Variants in CELSR2 observed in about 807,000 individuals in gnomAD.
The protein encoded by CELSR2 is EGF-like protein 2.
Under a neutral mutation model 251.6 loss-of-function variants are expected in CELSR2, and 81 were observed. The ratio of observed to expected loss-of-function variants is 0.32; its 90% CI spans 0.27 to 0.39. The LOEUF (loss-of-function observed/expected upper bound fraction) is 0.39. Ranked by LOEUF, CELSR2 falls within the 10% of genes least tolerant of loss-of-function variation. The pLI, the probability that CELSR2 is intolerant of heterozygous loss-of-function variation, is 1.00. For synonymous variants in CELSR2, 1,721 were observed against 1,670.5 expected (o/e 1.03, Z -0.74); for missense variants, 3,365 against 3,947.7 (o/e 0.85, Z 3.96).
Position 109,250,353 on chromosome 1 carries a change from G to T in CELSR2, c.274G>T (p.Val92Phe), listed in dbSNP as rs1482643640. The T allele has an allele frequency of 1.9e-6, 3 of 1,613,428 alleles. No homozygotes were observed. The East Asian group carries it at 6.7e-5, about 36-fold the overall frequency. Residue 92 changes from valine (V) to phenylalanine (F), a missense_variant, in exon 1 of 34, where the codon GTT (valine) becomes TTT (phenylalanine). Transcript: ENST00000271332. The surrounding 1 kb of genome is among the most constrained non-coding windows in gnomAD (Gnocchi z 4.4). ...GGTACCCCACCACGATGGCCTGAGGGTTTGGTGTCCAGAATCCGAGGCCCA... is the reference window on the plus strand; with the variant it reads ...GGTACCCCACCACGATGGCCTGAGGTTTTGGTGTCCAGAATCCGAGGCCCA... ...HLVPHHDGLR[V>F]WCPESEAHIP...
Position 109,261,434 on chromosome 1 carries a change from C to T in CELSR2, c.4182-79C>T. 1 of 1,439,220 alleles carries T rather than the reference C, an allele frequency of 6.9e-7. No individual in the cohort carries two copies. The allele number at this position is 1,439,220 out of a possible 1,614,324, so 89.2% of individuals were successfully genotyped here. On this transcript the variant is annotated intron_variant, in intron 3 of 33. Transcript: ENST00000271332. The surrounding 1 kb of genome is among the most constrained non-coding windows in gnomAD (Gnocchi z 4.8). ...GGTTCTGCCAGCAGATCTCCCTCCC[C>T]TGCGCTGGTTAGGTGGCGGGGGTGC...
rs768799561 is a variant in CELSR2, at chr1:109,269,323, T to C, written c.6812+33T>C. ...GCTAGGGGACAGGTGTGGGTAGGGG[T>C]ATGGGTCGGGCGGTGAGTGCTGAGG... On this transcript the variant is annotated intron_variant, in intron 20 of 33. Transcript: ENST00000271332. The surrounding 1 kb of genome is among the most constrained non-coding windows in gnomAD (Gnocchi z 6.4). 1 of 1,611,956 alleles carries C rather than the reference T, an allele frequency of 6.2e-7. No individual in the cohort carries two copies. Among genetic ancestry groups the C allele is most frequent in the South Asian group, 1.1e-5 (1 of 90,998 alleles).
In CELSR2 at chr1:109,250,131, C is replaced by T. The variant is rs760995557; in HGVS notation, c.52C>T (p.Leu18=). 1.3e-6 allele frequency: 2 copies of T among 1,593,888 alleles called. No individual in the cohort carries two copies. Among genetic ancestry groups the T allele is most frequent in the Non-Finnish European group, 8.5e-7 (1 of 1,173,092 alleles). The change falls in exon 1 of 34, where the codon CTG becomes TTG. Residue 18 remains leucine (L), a synonymous_variant. Coordinates refer to ENST00000271332, the MANE Select transcript of CELSR2 (RefSeq NM_001408.3). This position sits in a 1 kb window ranked among gnomAD's most constrained non-coding sequence, Gnocchi z 4.4. The stretch of plus-strand genomic sequence containing the variant: ...CCTCCCAACGCCGCCGCCGCCGCTG[C>T]TGCTGCTGTTGCTGCTGCTGCTGCC... ...VPLPTPPPPL[L]LLLLLLLPPP...
In CELSR2 at chr1:109,264,550, C is replaced by G. The variant is rs754038395; in HGVS notation, c.5386C>G (p.Pro1796Ala). ...NVEQGCSLPD[P>A]CDSNPCPANS... ...GGAGCAAGGCTGTAGCCTGCCTGAC[C>G]CTTGTGACTCAAACCCGTGTCCTGC... The change falls in exon 11 of 34, where the codon CCT (proline) becomes GCT (alanine). Residue 1796 changes from proline to alanine, a missense_variant. By Grantham distance (27) the Pro-to-Ala change is conservative. Around this residue, in one of 5 missense-constraint regions of CELSR2, gnomAD observed 2,093 missense variants for 2,382.8 expected, o/e 0.88. Transcript: ENST00000271332. 1.9e-6 allele frequency: 3 copies of G among 1,614,078 alleles called. No homozygotes were observed. The highest frequency in any genetic ancestry group is 2.5e-6 in the Non-Finnish European group (3 of 1,180,034).
At position 109,269,226 on chromosome 1, in the gene CELSR2, A is replaced by G. The variant is rs557334408; in HGVS notation, c.6748A>G (p.Ile2250Val). 4.3e-6 allele frequency: 7 copies of G among 1,612,934 alleles called. No individual in the cohort carries two copies. The highest frequency in any genetic ancestry group is 2.2e-5 in the South Asian group (2 of 91,072). ...CCAGGGTGAGGCTGTGGCCAGCGTC[A>G]TCATCTACCGCACCCTGGCCGGGCT... ...LSQGEAVASV[I>V]IYRTLAGLLP... is the part of the protein sequence containing the mutation. Residue 2250 changes from isoleucine (I) to valine (V), a missense_variant, in exon 20 of 34, where the codon ATC becomes GTC. Transcript: ENST00000271332. The surrounding 1 kb of genome is among the most constrained non-coding windows in gnomAD (Gnocchi z 6.4).
At chr1:109,255,943 C>T (rs919468615) in intron 1 of CELSR2, among the ~76,000 whole-genome samples, 5 of 152,130 alleles carry the variant, frequency 3.3e-5, no homozygotes, top group Non-Finnish European at 1.5e-5. Context: ...AAGACGATGG[C>T]GGTGGGGGAC....
rs569799860 is a variant in CELSR2, at chr1:109,267,891, G to T, written c.6149G>T (p.Gly2050Val). ...LQRNESGLDSGRSQQLALLLR... is the reference protein window; with the variant it reads ...LQRNESGLDSVRSQQLALLLR... ...CGGAATGAGTCAGGCCTAGACTCAG[G>T]GCGCTCCCAGCAGCTAGCCCTGCTC... Residue 2050 changes from glycine to valine, a missense_variant, in exon 17 of 34, where the codon GGG (glycine) becomes GTG (valine). Coordinates refer to ENST00000271332, the MANE Select transcript of CELSR2 (RefSeq NM_001408.3). 2.0e-5 allele frequency: 33 copies of T among 1,609,808 alleles called. No homozygotes were observed. The East Asian group carries it at 4.5e-4, about 22-fold the overall frequency.
chr1:109,251,399 T>G lies in CELSR2; in HGVS notation c.1320T>G (p.Ser440Arg). 1 of 1,613,874 alleles carries G rather than the reference T, an allele frequency of 6.2e-7. No homozygotes were observed. The highest frequency in any genetic ancestry group is 8.5e-7 in the Non-Finnish European group (1 of 1,180,006). Residue 440 changes from serine to arginine, a missense_variant, in exon 1 of 34, where the codon AGT becomes AGG. Ser to Arg is a moderately radical substitution (Grantham distance 110). This residue lies in a region of CELSR2 where 704 missense variants were observed against 784.1 expected (regional missense o/e 0.90). Transcript: ENST00000271332. This position sits in a 1 kb window ranked among gnomAD's most constrained non-coding sequence, Gnocchi z 4.9. Reference protein sequence around the residue: ...SNAVVHYSIMSGNARGQFYLD... With the variant: ...SNAVVHYSIMRGNARGQFYLD... Reference sequence around the variant, plus strand: ...CCGTGGTGCACTATAGCATCATGAGTGGCAATGCTCGGGGACAGTTTTATC... The same window carrying G: ...CCGTGGTGCACTATAGCATCATGAGGGGCAATGCTCGGGGACAGTTTTATC...
chr1:109,272,672 C>T lies in CELSR2; in HGVS notation c.8087C>T (p.Pro2696Leu). Reference protein sequence around the residue: ...EESALNPGQGPPGLGDPGSLF... With the variant: ...EESALNPGQGLPGLGDPGSLF... ...TCCGCACTGAACCCTGGCCAAGGGC[C>T]CCCTGGCCTGGGGGATCCAGGCAGC... The change falls in exon 30 of 34, where the codon CCC (proline) becomes CTC (leucine). Residue 2696 changes from proline to leucine, a missense_variant. By Grantham distance (98) the Pro-to-Leu change is moderately conservative (BLOSUM62 -3). Around this residue, in one of 5 missense-constraint regions of CELSR2, gnomAD observed 2,093 missense variants for 2,382.8 expected, o/e 0.88. Coordinates refer to ENST00000271332, the MANE Select transcript of CELSR2 (RefSeq NM_001408.3). 6.2e-7 allele frequency: 1 copy of T among 1,613,790 alleles called. No individual in the cohort carries two copies. The highest frequency in any genetic ancestry group is 1.7e-5 in the Admixed American group (1 of 60,024).
In CELSR2 at chr1:109,270,575, C is replaced by T. The variant is rs777694569; in HGVS notation, c.7458C>T (p.Gly2486=). The change falls in exon 24 of 34, where the codon GGC becomes GGT. Residue 2486 remains glycine (G), a synonymous_variant. Coordinates refer to ENST00000271332, the MANE Select transcript of CELSR2 (RefSeq NM_001408.3). ...CCATGCGCTTCTACTACATGCTGGG[C>T]TGGGGCGTGCCTGCCTTCATCACAG... The part of the protein sequence containing the change: ...TGPMRFYYML[G]WGVPAFITGL... The T allele has an allele frequency of 7.4e-6, 12 of 1,614,116 alleles. No homozygotes were observed. The highest frequency in any genetic ancestry group is 1.0e-5 in the Non-Finnish European group (12 of 1,180,016).
Position 109,268,113 on chromosome 1 carries a change from G to A in CELSR2, c.6318+53G>A, listed in dbSNP as rs114556779. 2.9e-3 allele frequency: 4,464 copies of A among 1,550,184 alleles called. 121 individuals are homozygous for A. The African/African-American group carries it at 0.054, about 19-fold the overall frequency. ...TGGTTAGATAGGGGTCATGGTGAGT[G>A]AGCCTGCTCATGGCAACCTGGGGGG... On this transcript the variant is annotated intron_variant, in intron 17 of 33. Coordinates refer to ENST00000271332, the MANE Select transcript of CELSR2 (RefSeq NM_001408.3).
In CELSR2 at chr1:109,271,457, T is replaced by C. The variant is rs765560212; in HGVS notation, c.7748T>C (p.Val2583Ala). ...ACGTGGCTGCTGGCACTGCTCTCTG[T>C]CAACAGCGACACCCTCCTCTTCCAC... ...SATWLLALLS[V>A]NSDTLLFHYL... is the part of the protein sequence containing the mutation. The change falls in exon 27 of 34, where the codon GTC (valine) becomes GCC (alanine). Residue 2583 changes from valine (V) to alanine (A), a missense_variant. Val to Ala is a moderately conservative substitution (Grantham distance 64). This residue lies in a region of CELSR2 where 2,093 missense variants were observed against 2,382.8 expected (regional missense o/e 0.88). Coordinates refer to ENST00000271332, the MANE Select transcript of CELSR2 (RefSeq NM_001408.3). The C allele has an allele frequency of 8.1e-6, 13 of 1,613,970 alleles. No homozygotes were observed. The highest frequency in any genetic ancestry group is 1.3e-5 in the African/African-American group (1 of 74,926).
intron 2 of CELSR2, among the ~76,000 whole-genome samples, chr1:109,259,722 G>A (rs1026115848): frequency 5.3e-5 from 8 of 152,294 alleles, no homozygotes; most frequent in Non-Finnish European, 1.2e-4. Flanking sequence ...TTCTGAGATG[G>A]GGTGCTCCAG....
At chr1:109,259,829 C>T (rs1053170300) in intron 2 of CELSR2, among the ~76,000 whole-genome samples, 8 of 152,182 alleles carry the variant, frequency 5.3e-5, no homozygotes, top group African/African-American at 1.9e-4. Context: ...CCCTGTTGGC[C>T]TGTCAGCCAA....
chr1:109,258,331 T>C (rs373755388), intron 1 of CELSR2, 101 bp from the exon 2 acceptor site: 16 of 802,220 alleles, frequency 2.0e-5, no homozygotes, highest in Admixed American at 5.8e-5. Context: ...TCAGCACCCT[T>C]ATGCCAGTTG....
At position 109,271,411 on chromosome 1, in the gene CELSR2, G is replaced by A. The variant is rs199558129; in HGVS notation, c.7702G>A (p.Val2568Ile). The change falls in exon 27 of 34, where the codon GTC (valine) becomes ATC (isoleucine). Residue 2568 changes from valine to isoleucine, a missense_variant. Around this residue, in one of 5 missense-constraint regions of CELSR2, gnomAD observed 2,093 missense variants for 2,382.8 expected, o/e 0.88. Coordinates refer to ENST00000271332, the MANE Select transcript of CELSR2 (RefSeq NM_001408.3). ...CTCGGGCCTGCAGCCCTCCTTCGCC[G>A]TCCTCCTGCTGCTGAGCGCCACGTG... Reference protein sequence around the residue: ...PVSGLQPSFAVLLLLSATWLL... With the variant: ...PVSGLQPSFAILLLLSATWLL... 2.2e-4 allele frequency: 354 copies of A among 1,613,866 alleles called. 1 individual carries two copies. Among genetic ancestry groups the A allele is most frequent in the Admixed American group, 6.8e-4 (41 of 60,028 alleles).
chr1:109,269,055 G>A lies in CELSR2; in HGVS notation c.6631+47G>A, dbSNP rs1205957386. On this transcript the variant is annotated intron_variant, in intron 19 of 33. Coordinates refer to ENST00000271332, the MANE Select transcript of CELSR2 (RefSeq NM_001408.3). The surrounding 1 kb of genome is among the most constrained non-coding windows in gnomAD (Gnocchi z 6.4). ...AGTTGGGAGCTGGACCCCAGTGTCT[G>A]TGCAGACTCCACAGAGAGCAGGGCC... 2 of 1,599,756 alleles carry A rather than the reference G, an allele frequency of 1.3e-6. No homozygotes were observed. Among genetic ancestry groups the A allele is most frequent in the Middle Eastern group, 1.7e-4 (1 of 6,006 alleles).
Position 109,250,107 on chromosome 1 carries a change from C to T in CELSR2, c.28C>T (p.Leu10Phe), listed in dbSNP as rs761975848. The change falls in exon 1 of 34, where the codon CTC becomes TTC. Residue 10 changes from leucine (L) to phenylalanine (F), a missense_variant. By Grantham distance (22) the Leu-to-Phe change is conservative. Transcript: ENST00000271332. This position sits in a 1 kb window ranked among gnomAD's most constrained non-coding sequence, Gnocchi z 4.4. MRSPATGVP[L>F]PTPPPPLLLL... is the part of the protein sequence containing the mutation. ...GCGGAGCCCGGCCACCGGCGTCCCC[C>T]TCCCAACGCCGCCGCCGCCGCTGCT... 2 of 1,556,254 alleles carry T rather than the reference C, an allele frequency of 1.3e-6. No homozygotes were observed. The highest frequency in any genetic ancestry group is 1.7e-6 in the Non-Finnish European group (2 of 1,155,970).
chr1:109,274,402 T>G lies in CELSR2; in HGVS notation c.*353T>G. On this transcript the variant is annotated 3_prime_UTR_variant, in exon 34 of 34. Transcript: ENST00000271332. ...TTATACGCTGGAAATTGACTCCCCTTTCCCTTCCCAAAGAGGATAGGACCT... is the reference window on the plus strand; with the variant it reads ...TTATACGCTGGAAATTGACTCCCCTGTCCCTTCCCAAAGAGGATAGGACCT... 4 of 343,748 alleles carry G rather than the reference T, an allele frequency of 1.2e-5. No individual in the cohort carries two copies. Among genetic ancestry groups the G allele is most frequent in the African/African-American group, 2.1e-5 (1 of 47,860 alleles). 21.3% of individuals were successfully genotyped at this position (343,748 alleles called of 1,614,324 possible).
Sources: allele counts gnomAD v4.1 joint callset (sites outside exome capture counted in the v4.1 genomes callset), GRCh38; gene constraint gnomAD v4.1.1; regional missense constraint gnomAD v4.1.1; non-coding constraint Gnocchi (gnomAD v3.1); transcripts MANE v1.5; gene names NCBI Gene and HGNC (gene_info 2026-07-23, HGNC 2026-07-21).